Variants in SERINC1 observed in about 807,000 individuals in gnomAD.
The protein encoded by SERINC1 is serine incorporator 1, also known as tumor differentially expressed protein 2.
Under a neutral mutation model 52.9 loss-of-function variants are expected in SERINC1, and 38 were observed. The ratio of observed to expected loss-of-function variants is 0.72; its 90% CI spans 0.55 to 0.94. SERINC1 has a LOEUF of 0.94. Ranked by LOEUF, SERINC1 falls within the 40% of genes least tolerant of loss-of-function variation. The probability of loss-of-function intolerance (pLI) is 0.00; values close to 1 mark genes in which losing one functional copy is unlikely to be tolerated. For synonymous variants in SERINC1, 198 were observed against 183.1 expected (o/e 1.08, Z -0.66); for missense variants, 471 against 533.9 (o/e 0.88, Z 1.16).
chr6:122,463,091 T>C (rs1693238525), intron 1 of SERINC1, among the ~76,000 whole-genome samples: 1 of 152,180 alleles, frequency 6.6e-6, no homozygotes, highest in South Asian at 2.1e-4. Flanking sequence ...AACAGAGTGA[T>C]ATAGGGAAAA....
At chr6:122,453,543 T>C (rs1485062233) in intron 5 of SERINC1, among the ~76,000 whole-genome samples, 2 of 152,152 alleles carry the variant, frequency 1.3e-5, no homozygotes, top group African/African-American at 4.8e-5. Context: ...TCAGGTTCTT[T>C]TGGATTCTTT....
At chr6:122,459,533 G>A (rs757753468) in intron 1 of SERINC1, among the ~76,000 whole-genome samples, 30 of 152,020 alleles carry the variant, frequency 2.0e-4, no homozygotes, top group Non-Finnish European at 3.7e-4. Flanking sequence ...TATATTAAAC[G>A]TCCACAAAAC....
At chr6:122,458,414 G>A (rs991728432) in intron 2 of SERINC1, 106 bp downstream of exon 2, 1 of 709,536 alleles carries the variant, frequency 1.4e-6, no homozygotes, top group East Asian at 3.0e-5. Flanking sequence ...ATTACATACT[G>A]TCTTATTCTA....
At chr6:122,469,749 G>C (rs1462987140) in intron 1 of SERINC1, among the ~76,000 whole-genome samples, 2 of 152,012 alleles carry the variant, frequency 1.3e-5, no homozygotes, top group Non-Finnish European at 2.9e-5. Flanking sequence ...AGTAGAGACG[G>C]GGTTTCACCA....
At chr6:122,448,040 G>T (rs2114474755) in intron 7 of SERINC1, among the ~76,000 whole-genome samples, 1 of 151,872 alleles carries the variant, frequency 6.6e-6, no homozygotes, top group East Asian at 1.9e-4. Context: ...GAACCCGGGA[G>T]GCGGTTGCAG....
chr6:122,451,758 C>CAAAA lies in SERINC1; in HGVS notation c.760-8_760-5dup, dbSNP rs750920534. On this transcript the variant is annotated splice_region_variant and splice_polypyrimidine_tract_variant and intron_variant, in intron 6 of 9. Coordinates refer to ENST00000339697, the MANE Select transcript of SERINC1 (RefSeq NM_020755.4). ...AACCAGATCTTGGTTGTGATTCCTACAAAAAAAAAAAAAAAAAAATATATA... is the reference window on the plus strand; with the variant it reads ...AACCAGATCTTGGTTGTGATTCCTACAAAAAAAAAAAAAAAAAAAAAAATATATA... The CAAAA allele has an allele frequency of 5.1e-4, 45 of 87,658 alleles. No individual in the cohort carries two copies. Among genetic ancestry groups the CAAAA allele is most frequent in the South Asian group, 9.5e-4 (1 of 1,056 alleles). 5.4% of individuals were successfully genotyped at this position (87,658 alleles called of 1,614,324 possible).
chr6:122,444,849 T>C lies in SERINC1; in HGVS notation c.*195A>G. 1 of 569,272 alleles carries C rather than the reference T, an allele frequency of 1.8e-6. No individual in the cohort carries two copies. Among genetic ancestry groups the C allele is most frequent in the Non-Finnish European group, 3.0e-6 (1 of 329,712 alleles). 35.3% of individuals were successfully genotyped at this position (569,272 alleles called of 1,614,324 possible). On this transcript the variant is annotated 3_prime_UTR_variant, in exon 10 of 10. Coordinates refer to ENST00000339697, the MANE Select transcript of SERINC1 (RefSeq NM_020755.4). ...TCACCATATTCATAAAACTTTCCTC[T>C]GCAATTCATTCTACTTCACATATCA...
At position 122,458,666 on chromosome 6, in the gene SERINC1, C is replaced by T. The variant is rs750463007; in HGVS notation, c.55G>A (p.Gly19Arg). 1 of 1,598,888 alleles carries T rather than the reference C, an allele frequency of 6.3e-7. No homozygotes were observed. The highest frequency in any genetic ancestry group is 8.5e-7 in the Non-Finnish European group (1 of 1,170,762). Residue 19 changes from glycine to arginine, a missense_variant, in exon 2 of 10, where the codon GGA becomes AGA. Coordinates refer to ENST00000339697, the MANE Select transcript of SERINC1 (RefSeq NM_020755.4). ...SMASWIPCLCGSAPCLLCRCC... is the reference protein window; with the variant it reads ...SMASWIPCLCRSAPCLLCRCC... ...CGGCATAGCAAACACGGGGCACTTC[C>T]ACACAAACATGGTATCTGGGAAAAA...
chr6:122,454,577 G>A, intron 3 of SERINC1: 1 of 221,118 alleles, frequency 4.5e-6, no homozygotes, highest in Non-Finnish European at 9.7e-6. Context: ...CACGCTAGAG[G>A]AAGCATCAGA....
chr6:122,464,183 G>A (rs1252853714), intron 1 of SERINC1, among the ~76,000 whole-genome samples: 2 of 152,068 alleles, frequency 1.3e-5, no homozygotes, highest in African/African-American at 4.8e-5. Flanking sequence ...GTTCCAAAAC[G>A]GTTACACGAC....
intron 1 of SERINC1, among the ~76,000 whole-genome samples, chr6:122,469,132 C>A (rs151134506): frequency 6.6e-6 from 1 of 152,244 alleles, no homozygotes; most frequent in African/African-American, 2.4e-5. Flanking sequence ...CTCTTAGCAG[C>A]AAACAAAAAG....
intron 5 of SERINC1, among the ~76,000 whole-genome samples, chr6:122,453,467 T>C (rs544831299): frequency 1.1e-4 from 17 of 152,312 alleles, no homozygotes; most frequent in African/African-American, 4.1e-4. Flanking sequence ...CATTGTAGGC[T>C]AGAAAATTAG....
rs114477229 is a variant in SERINC1, at chr6:122,458,732, A to G, written c.40-51T>C. On this transcript the variant is annotated intron_variant, in intron 1 of 9. Coordinates refer to ENST00000339697, the MANE Select transcript of SERINC1 (RefSeq NM_020755.4). ...TATTATTAAGAATCAGTAAATCACT[A>G]TATCTTAAAATGATACAATGAAAAT... 825 of 1,208,656 alleles carry G rather than the reference A, an allele frequency of 6.8e-4. 5 individuals are homozygous for G. The African/African-American group carries it at 9.4e-3, about 14-fold the overall frequency. The allele number at this position is 1,208,656 out of a possible 1,614,324, so 74.9% of individuals were successfully genotyped here. A position where few individuals can be genotyped will look rare whatever the true frequency, so the allele number is the denominator to read the frequency against.
chr6:122,454,160 A>T lies in SERINC1; in HGVS notation c.442T>A (p.Phe148Ile). The stretch of plus-strand genomic sequence containing the variant: ...AAAAAGGATTTCTTACCAGTTGTAA[A>T]AGTTCCTTCTGGAATGAAGAATGCC... Reference protein sequence around the residue: ...IGAFFIPEGTFTTVWFYVGMA... With the variant: ...IGAFFIPEGTITTVWFYVGMA... Residue 148 changes from phenylalanine to isoleucine, a missense_variant, in exon 4 of 10, where the codon TTT becomes ATT. Physicochemically the swap from Phe to Ile is conservative, Grantham distance 21 (BLOSUM62 0). Transcript: ENST00000339697. The T allele has an allele frequency of 6.3e-7, 1 of 1,576,528 alleles. No individual in the cohort carries two copies. The highest frequency in any genetic ancestry group is 8.6e-7 in the Non-Finnish European group (1 of 1,159,320).
Position 122,451,758 on chromosome 6 carries a change from C to CAAAAAAAAAAA in SERINC1, c.760-15_760-5dup, listed in dbSNP as rs750920534. On this transcript the variant is annotated splice_region_variant and splice_polypyrimidine_tract_variant and intron_variant, in intron 6 of 9. Coordinates refer to ENST00000339697, the MANE Select transcript of SERINC1 (RefSeq NM_020755.4). Reference sequence around the variant, plus strand: ...AACCAGATCTTGGTTGTGATTCCTACAAAAAAAAAAAAAAAAAAATATATA... The same window carrying CAAAAAAAAAAA: ...AACCAGATCTTGGTTGTGATTCCTACAAAAAAAAAAAAAAAAAAAAAAAAAAAAAATATATA... 46 of 88,568 alleles carry CAAAAAAAAAAA rather than the reference C, an allele frequency of 5.2e-4. 2 individuals are homozygous for CAAAAAAAAAAA. The highest frequency in any genetic ancestry group is 6.9e-4 in the Non-Finnish European group (42 of 60,644). The allele number at this position is 88,568 out of a possible 1,614,324, so 5.5% of individuals were successfully genotyped here.
At chr6:122,464,040 G>A (rs889435676) in intron 1 of SERINC1, among the ~76,000 whole-genome samples, 12 of 152,208 alleles carry the variant, frequency 7.9e-5, no homozygotes, top group African/African-American at 2.9e-4. Context: ...TATGTGCTAA[G>A]TAAAAGAAGC....
intron 1 of SERINC1, among the ~76,000 whole-genome samples, chr6:122,461,974 A>G (rs1775112879): frequency 6.6e-6 from 1 of 152,204 alleles, no homozygotes; most frequent in Non-Finnish European, 1.5e-5. Flanking sequence ...ATTCTTAATG[A>G]TATTTTAGCA....
chr6:122,454,297 A>G, intron 3 of SERINC1, 67 bp from the exon 4 acceptor site: 2 of 789,536 alleles, frequency 2.5e-6, no homozygotes, highest in Admixed American at 2.5e-5. Flanking sequence ...ATATGAAATC[A>G]TTTAACTGCA....
rs780007643 is a variant in SERINC1, at chr6:122,456,595, C to T, written c.257G>A (p.Gly86Asp). 5.0e-6 allele frequency: 8 copies of T among 1,612,032 alleles called. No individual in the cohort carries two copies. Among genetic ancestry groups the T allele is most frequent in the Non-Finnish European group, 6.8e-6 (8 of 1,178,974 alleles). ...KGVVPCNILV[G>D]YKAVYRLCFG... ...GCACAAACGATATACAGCTTTATAG[C>T]CAACCAAAATGTTACAAGGGACAAC... Residue 86 changes from glycine to aspartate, a missense_variant, in exon 3 of 10, where the codon GGC (glycine) becomes GAC (aspartate). Transcript: ENST00000339697.
Sources: gnomAD v4.1 joint callset for allele counts (sites outside exome capture counted in the v4.1 genomes callset) on GRCh38, gnomAD v4.1.1 for gene constraint, MANE v1.5 for transcripts, NCBI Gene and HGNC (gene_info 2026-07-23, HGNC 2026-07-21) for gene names.